The following ADARB2 variants were observed in gnomAD, a reference collection of about 807,000 sequenced individuals.
The protein encoded by ADARB2 is adenosine deaminase RNA specific B2 (inactive), also known as inactive double-stranded RNA-specific editase B2.
Under a neutral mutation model 62.2 loss-of-function variants are expected in ADARB2, and 25 were observed. The ratio of observed to expected loss-of-function variants is 0.40; its 90% confidence interval spans 0.29 to 0.56. The LOEUF is 0.56. ADARB2 is among the 20% of genes least tolerant of loss of function. ADARB2 has a pLI of 0.43. For synonymous variants in ADARB2, 572 were observed against 500.8 expected (o/e 1.14, Z -1.90); for missense variants, 1,071 against 1,077.4 (o/e 0.99, Z 0.08).
intron 6 of ADARB2, among the ~76,000 whole-genome samples, chr10:1,231,757 G>A (rs563551052): frequency 6.6e-6 from 1 of 152,254 alleles, no homozygotes; most frequent in South Asian, 2.1e-4. Context: ...CATGCCAGAG[G>A]ATCCACTTAC....
chr10:1,461,065 CA>C (rs1158159792), intron 1 of ADARB2, among the ~76,000 whole-genome samples: 1 of 152,226 alleles, frequency 6.6e-6, no homozygotes, highest in African/African-American at 2.4e-5. Context: ...ATTGTCTACT[CA>C]GATGAGAAAA....
chr10:1,461,983 C>G (rs534627184), intron 1 of ADARB2, among the ~76,000 whole-genome samples: 39 of 152,306 alleles, frequency 2.6e-4, no homozygotes, highest in Non-Finnish European at 5.1e-4. Context: ...GCCTGGGCAA[C>G]AGAGTGAGAC....
intron 2 of ADARB2, among the ~76,000 whole-genome samples, chr10:1,376,912 G>A (rs1188401817): frequency 4.0e-5 from 6 of 149,106 alleles, no homozygotes; most frequent in East Asian, 4.0e-4. Context: ...GTGTGTGTGC[G>A]CATGTGCTTG....
chr10:1,483,442 G>C (rs1398733496), intron 1 of ADARB2, among the ~76,000 whole-genome samples: 1 of 152,166 alleles, frequency 6.6e-6, no homozygotes, highest in East Asian at 1.9e-4. Context: ...CCAAGACAAT[G>C]GTACAGTCGT....
At chr10:1,589,634 C>A (rs1281095907) in intron 1 of ADARB2, among the ~76,000 whole-genome samples, 1 of 152,206 alleles carries the variant, frequency 6.6e-6, no homozygotes, top group Admixed American at 6.5e-5. Context: ...CTTCTGTCCT[C>A]GGCTGCTTGT....
chr10:1,372,412 C>A (rs571906859), intron 2 of ADARB2, among the ~76,000 whole-genome samples: 1 of 152,246 alleles, frequency 6.6e-6, no homozygotes, highest in African/African-American at 2.4e-5. Flanking sequence ...CACCAGGGTG[C>A]AGTATACCCA....
chr10:1,652,913 A>G (rs530585105), intron 1 of ADARB2, among the ~76,000 whole-genome samples: 1 of 152,182 alleles, frequency 6.6e-6, no homozygotes, highest in South Asian at 2.1e-4. Context: ...GTTGGGGGGC[A>G]TGCACGCTTT....
chr10:1,483,916 G>A (rs140451053), intron 1 of ADARB2, among the ~76,000 whole-genome samples: 27 of 152,250 alleles, frequency 1.8e-4, no homozygotes, highest in Non-Finnish European at 3.7e-4. Context: ...TCCGCCATGC[G>A]CCAGGGGATT....
chr10:1,661,525 C>A (rs551181388), intron 1 of ADARB2, among the ~76,000 whole-genome samples: 2 of 152,176 alleles, frequency 1.3e-5, no homozygotes, highest in Non-Finnish European at 2.9e-5. Context: ...TCTGAAGAGG[C>A]AGCTAGGGTT....
intron 1 of ADARB2, among the ~76,000 whole-genome samples, chr10:1,725,667 C>T (rs904153405): frequency 6.6e-6 from 1 of 152,226 alleles, no homozygotes; most frequent in Non-Finnish European, 1.5e-5. Context: ...CATTCACTTC[C>T]AGGACAGAAG....
At chr10:1,280,357 A>G (rs1831358867) in intron 3 of ADARB2, among the ~76,000 whole-genome samples, 1 of 152,220 alleles carries the variant, frequency 6.6e-6, no homozygotes, top group Non-Finnish European at 1.5e-5. Flanking sequence ...CCTTAGGGGC[A>G]GGCACCACTT....
intron 1 of ADARB2, among the ~76,000 whole-genome samples, chr10:1,720,481 A>G (rs1385302044): frequency 1.3e-5 from 2 of 152,204 alleles, no homozygotes; most frequent in African/African-American, 4.8e-5. Context: ...TATTCAGGGA[A>G]GAAACTCACA....
chr10:1,222,140 CT>C (rs1830700650), intron 6 of ADARB2, among the ~76,000 whole-genome samples: 2 of 152,236 alleles, frequency 1.3e-5, no homozygotes, highest in African/African-American at 4.8e-5. Context: ...CTCATTGTGG[CT>C]TTGATTTGCA....
chr10:1,645,561 G>A (rs1053885663), intron 1 of ADARB2, among the ~76,000 whole-genome samples: 7 of 152,160 alleles, frequency 4.6e-5, no homozygotes, highest in African/African-American at 4.8e-5. Context: ...TTCCTCACCT[G>A]GTCTAAGGAT....
intron 7 of ADARB2, among the ~76,000 whole-genome samples, chr10:1,207,321 G>C (rs565378348): frequency 3.5e-4 from 53 of 152,286 alleles, no homozygotes; most frequent in Admixed American, 1.4e-3. Context: ...CTCTAGCCTG[G>C]GTGACAAGAG....
At chr10:1,446,909 G>A (rs576012830) in intron 1 of ADARB2, among the ~76,000 whole-genome samples, 14 of 152,276 alleles carry the variant, frequency 9.2e-5, no homozygotes, top group Non-Finnish European at 1.3e-4. Context: ...TTCGACCTAC[G>A]CAATTGTCAA....
chr10:1,594,073 C>T (rs555303152), intron 1 of ADARB2, among the ~76,000 whole-genome samples: 4 of 152,188 alleles, frequency 2.6e-5, no homozygotes, highest in East Asian at 1.9e-4. Context: ...TGGTAGATCA[C>T]GAGGTCAGGA....
At chr10:1,271,488 G>A (rs1395940538) in intron 3 of ADARB2, among the ~76,000 whole-genome samples, 1 of 152,174 alleles carries the variant, frequency 6.6e-6, no homozygotes, top group East Asian at 1.9e-4. Flanking sequence ...CAGTCTCAGG[G>A]TGCTCTTCTG....
chr10:1,363,989 C>T, intron 2 of ADARB2, 72 bp from the exon 3 acceptor site: 3 of 1,397,756 alleles, frequency 2.1e-6, no homozygotes, highest in Middle Eastern at 2.3e-4. Flanking sequence ...CAGGCACTCC[C>T]TGAGGGTCCC....
Sources: gnomAD v4.1 joint callset for allele counts (sites outside exome capture counted in the v4.1 genomes callset) on GRCh38, gnomAD v4.1.1 for gene constraint, MANE v1.5 for transcripts, NCBI Gene and HGNC (gene_info 2026-07-23, HGNC 2026-07-21) for gene names.